The following CWF19L2 variants were observed in gnomAD, a reference collection of about 807,000 sequenced individuals.
The protein encoded by CWF19L2 is CWF19 like cell cycle control factor 2, also known as CWF19-like protein 2.
In CWF19L2, 98 loss-of-function variants were observed where a neutral mutation model predicts 111.7. The ratio of observed to expected loss-of-function variants is 0.88; its 90% CI spans 0.75 to 1.04. CWF19L2 has a LOEUF of 1.04. Ranked by LOEUF, CWF19L2 falls within the 50% of genes least tolerant of loss-of-function variation. CWF19L2 has a pLI of 0.00. For missense variants in CWF19L2, 1,101 were observed against 1,051.4 expected (o/e 1.05, Z -0.65); for synonymous variants, 351 against 342.9 (o/e 1.02, Z -0.26).
At position 107,443,039 on chromosome 11, in the gene CWF19L2, T is replaced by A; in HGVS notation, c.350A>T (p.Asp117Val). The A allele has an allele frequency of 6.5e-7, 1 of 1,544,834 alleles. No homozygotes were observed. Among genetic ancestry groups the A allele is most frequent in the Non-Finnish European group, 8.8e-7 (1 of 1,140,388 alleles). Residue 117 changes from aspartate (D) to valine (V), a missense_variant, in exon 4 of 18, where the codon GAT becomes GTT. Physicochemically the swap from Asp to Val is radical, Grantham distance 152 (BLOSUM62 -3). Coordinates refer to ENST00000282251, the MANE Select transcript of CWF19L2 (RefSeq NM_152434.3). ...GGATGGAACAGCCTCAACCCACTCA[T>A]CTTCAGAGCTCTAAGAACATTTAGC... ...ESSDSSSSSEDEWVEAVPSQT... is the reference protein window; with the variant it reads ...ESSDSSSSSEVEWVEAVPSQT...
At chr11:107,341,559 T>G (rs1860005120) in intron 14 of CWF19L2, among the ~76,000 whole-genome samples, 1 of 152,176 alleles carries the variant, frequency 6.6e-6, no homozygotes. Flanking sequence ...TTTATTTAAC[T>G]GTCTTGTGGT....
intron 10 of CWF19L2, among the ~76,000 whole-genome samples, chr11:107,405,562 AAAAC>A (rs1056301767): frequency 6.6e-6 from 1 of 152,160 alleles, no homozygotes; most frequent in Non-Finnish European, 1.5e-5. Context: ...ACTAACAAAA[AAAAC>A]AGTATAACCT....
intron 16 of CWF19L2, 111 bp downstream of exon 16, chr11:107,334,770 T>C (rs1859897290): frequency 4.1e-6 from 3 of 730,732 alleles, no homozygotes; most frequent in South Asian, 1.6e-5. Flanking sequence ...GAACTAGTAA[T>C]TTCGCCTTCA....
At chr11:107,373,529 T>C (rs1265577296) in intron 12 of CWF19L2, among the ~76,000 whole-genome samples, 2 of 129,090 alleles carry the variant, frequency 1.5e-5, no homozygotes, top group African/African-American at 6.2e-5. Flanking sequence ...CTCACATGGC[T>C]GGGTACTTCA....
intron 13 of CWF19L2, among the ~76,000 whole-genome samples, chr11:107,352,379 A>T (rs544945007): frequency 3.3e-5 from 5 of 152,314 alleles, no homozygotes; most frequent in Admixed American, 1.3e-4. Flanking sequence ...GGTTTTAGGC[A>T]TATTTATATT....
At chr11:107,387,853 A>G (rs1207682315) in intron 12 of CWF19L2, among the ~76,000 whole-genome samples, 1 of 152,156 alleles carries the variant, frequency 6.6e-6, no homozygotes, top group South Asian at 2.1e-4. Context: ...AGTTCCAAAT[A>G]GGCCACAGAC....
intron 8 of CWF19L2, among the ~76,000 whole-genome samples, chr11:107,421,005 G>A (rs939030002): frequency 1.3e-5 from 2 of 152,002 alleles, no homozygotes; most frequent in Non-Finnish European, 2.9e-5. Context: ...TTCTTTCCAA[G>A]TGCATACAAA....
intron 6 of CWF19L2, among the ~76,000 whole-genome samples, chr11:107,438,728 G>A (rs1861575670): frequency 6.6e-6 from 1 of 151,948 alleles, no homozygotes; most frequent in Non-Finnish European, 1.5e-5. Context: ...CGTAAACTTG[G>A]GTCATACACT....
At chr11:107,337,317 T>C (rs1859939905) in intron 14 of CWF19L2, among the ~76,000 whole-genome samples, 1 of 151,898 alleles carries the variant, frequency 6.6e-6, no homozygotes, top group Non-Finnish European at 1.5e-5. Context: ...GAACTAAGTA[T>C]TATTATACAA....
At chr11:107,442,365 A>G (rs1468877053) in intron 4 of CWF19L2, among the ~76,000 whole-genome samples, 1 of 152,098 alleles carries the variant, frequency 6.6e-6, no homozygotes, top group Non-Finnish European at 1.5e-5. Context: ...TTTATTCTCA[A>G]AAGTTGATAC....
chr11:107,362,923 GA>G (rs1208413011), intron 12 of CWF19L2, among the ~76,000 whole-genome samples: 2 of 151,768 alleles, frequency 1.3e-5, no homozygotes, highest in African/African-American at 2.4e-5. Context: ...TGAAAACTTT[GA>G]AAAAAATTTA....
chr11:107,380,357 T>A (rs1860666549), intron 12 of CWF19L2, among the ~76,000 whole-genome samples: 1 of 152,172 alleles, frequency 6.6e-6, no homozygotes, highest in Non-Finnish European at 1.5e-5. Flanking sequence ...ATTGATTAAA[T>A]ATAAACTTCA....
intron 12 of CWF19L2, among the ~76,000 whole-genome samples, chr11:107,358,731 T>G (rs11823829): frequency 0.22 from 33,597 of 152,138 alleles, 3,963 homozygotes; most frequent in African/African-American, 0.3. Context: ...TAATCTGTAT[T>G]TTTTCACTGT....
intron 12 of CWF19L2, among the ~76,000 whole-genome samples, chr11:107,363,291 G>C (rs960914825): frequency 2.0e-5 from 3 of 152,078 alleles, no homozygotes; most frequent in African/African-American, 4.8e-5. Flanking sequence ...TAGCAAGGCA[G>C]GCCAACGTTC....
intron 12 of CWF19L2, among the ~76,000 whole-genome samples, chr11:107,363,476 G>C (rs777214676): frequency 1.4e-4 from 21 of 151,196 alleles, no homozygotes; most frequent in Non-Finnish European, 2.7e-4. Context: ...CGGATCTCTA[G>C]GCAGAAACTC....
At chr11:107,388,878 T>G (rs1404045666) in intron 12 of CWF19L2, among the ~76,000 whole-genome samples, 1 of 152,056 alleles carries the variant, frequency 6.6e-6, no homozygotes, top group African/African-American at 2.4e-5. Context: ...ATTTCTGGCA[T>G]TTTTTCCAAA....
At chr11:107,390,740 G>A (rs2134594687) in intron 11 of CWF19L2, among the ~76,000 whole-genome samples, 1 of 152,276 alleles carries the variant, frequency 6.6e-6, no homozygotes, top group East Asian at 1.9e-4. Flanking sequence ...CTCAGAAATG[G>A]GATCAGAACC....
At chr11:107,407,752 A>C (rs771067373) in intron 10 of CWF19L2, among the ~76,000 whole-genome samples, 4 of 152,062 alleles carry the variant, frequency 2.6e-5, no homozygotes, top group Non-Finnish European at 5.9e-5. Flanking sequence ...AAATTAGATC[A>C]TTAATAAATA....
At chr11:107,355,760 A>G (rs943660210) in intron 12 of CWF19L2, among the ~76,000 whole-genome samples, 49 of 152,248 alleles carry the variant, frequency 3.2e-4, no homozygotes, top group African/African-American at 1.2e-3. Context: ...TAGAACTGCC[A>G]AAGAAACAGA....
Sources: allele counts gnomAD v4.1 joint callset (sites outside exome capture counted in the v4.1 genomes callset), GRCh38; gene constraint gnomAD v4.1.1; transcripts MANE v1.5; gene names NCBI Gene and HGNC (gene_info 2026-07-23, HGNC 2026-07-21).